HERC2: variants seen among roughly 807,000 people sequenced by gnomAD.
The protein encoded by HERC2 is E3 ubiquitin-protein ligase HERC2.
HERC2 carries 102 observed loss-of-function variants against 537.7 expected under a neutral mutation model. The observed-to-expected ratio is 0.19, with a 90% CI of 0.16 to 0.22. HERC2 has a LOEUF of 0.22. Among genes scored for constraint, HERC2 ranks in the 10% least tolerant of loss-of-function variants. The pLI is 1.00. For missense variants in HERC2, 4,236 were observed against 6,198.2 expected (o/e 0.68, Z 10.63); for synonymous variants, 2,224 against 2,466.2 (o/e 0.90, Z 2.91).
At chr15:28,139,878 G>A (rs1023044557) in intron 78 of HERC2, among the ~76,000 whole-genome samples, 1 of 150,474 alleles carries the variant, frequency 6.6e-6, no homozygotes, top group African/African-American at 2.5e-5. Flanking sequence ...GGCCAATATG[G>A]CGAAACCCCA....
chr15:28,207,486 A>G (rs994129943), intron 44 of HERC2, among the ~76,000 whole-genome samples: 7 of 152,190 alleles, frequency 4.6e-5, no homozygotes, highest in African/African-American at 1.7e-4. Context: ...CCTGACACAG[A>G]CACATCCCAC....
chr15:28,262,875 G>C, intron 15 of HERC2, 43 bp downstream of exon 15: 1 of 1,573,400 alleles, frequency 6.4e-7, no homozygotes. Flanking sequence ...CATTACTAAA[G>C]AAACTGTCCT....
chr15:28,303,541 G>A (rs2141225316), intron 2 of HERC2, among the ~76,000 whole-genome samples: 1 of 152,266 alleles, frequency 6.6e-6, no homozygotes, highest in African/African-American at 2.4e-5. Context: ...TCTCTTTTGT[G>A]ATTCCATACA....
intron 4 of HERC2, among the ~76,000 whole-genome samples, chr15:28,289,079 C>G (rs887406724): frequency 2.6e-5 from 4 of 151,526 alleles, no homozygotes; most frequent in Non-Finnish European, 5.9e-5. Context: ...TGGACAGTGA[C>G]AAGTGAAAGA....
intron 2 of HERC2, among the ~76,000 whole-genome samples, chr15:28,305,291 A>G (rs2076754459): frequency 6.6e-6 from 1 of 152,134 alleles, no homozygotes; most frequent in Non-Finnish European, 1.5e-5. Context: ...GAATCGCCAC[A>G]CTGACTTCCA....
At chr15:28,278,389 A>G (rs2141036761) in intron 5 of HERC2, among the ~76,000 whole-genome samples, 1 of 152,128 alleles carries the variant, frequency 6.6e-6, no homozygotes, top group Admixed American at 6.5e-5. Context: ...CAAACAAACA[A>G]AAAAAAATCA....
intron 35 of HERC2, among the ~76,000 whole-genome samples, chr15:28,225,696 C>CAAAAAAAAAAAAA (rs35629645): frequency 1.9e-4 from 11 of 58,684 alleles, no homozygotes; most frequent in East Asian, 3.4e-4. Flanking sequence ...GACTCCGTCT[C>CAAAAAAAAAAAAA]AAAAAAAAAA....
At chr15:28,161,892 A>G (rs1893635022) in intron 69 of HERC2, among the ~76,000 whole-genome samples, 1 of 152,248 alleles carries the variant, frequency 6.6e-6, no homozygotes, top group Non-Finnish European at 1.5e-5. Context: ...ATCACCAGGG[A>G]AAAGATGAGT....
intron 9 of HERC2, among the ~76,000 whole-genome samples, chr15:28,271,715 C>T (rs146414784): frequency 1.3e-5 from 2 of 152,056 alleles, no homozygotes; most frequent in Non-Finnish European, 1.5e-5. Flanking sequence ...AACCAAAGCA[C>T]GATATTGGAA....
At chr15:28,299,826 C>A (rs2076570707) in intron 2 of HERC2, among the ~76,000 whole-genome samples, 1 of 151,986 alleles carries the variant, frequency 6.6e-6, no homozygotes, top group Non-Finnish European at 1.5e-5. Context: ...CCGAGCGGGG[C>A]ACATCACGGG....
rs573659032 is a variant in HERC2 at position 28,220,723 on chromosome 15, G to A, written c.5653-79C>T. The A allele has an allele frequency of 1.4e-4, 169 of 1,196,526 alleles. 1 individual carries two copies. In the African/African-American group the frequency reaches 2.3e-3, roughly 16 times the overall value. The allele number at this position is 1,196,526 out of a possible 1,614,324, so 74.1% of individuals were successfully genotyped here. A position where few individuals can be genotyped will look rare whatever the true frequency, so the allele number is the denominator to read the frequency against. On this transcript the variant is annotated intron_variant, in intron 36 of 92. Coordinates refer to ENST00000261609, the MANE Select transcript of HERC2 (RefSeq NM_004667.6). ...CTTCCATGGCTCCCAGCAGACCTCA[G>A]TTAGGAGGGTGCATGCCCTGCCCTG...
chr15:28,194,306 C>T (rs1295919107), intron 52 of HERC2, among the ~76,000 whole-genome samples: 1 of 144,128 alleles, frequency 6.9e-6, no homozygotes, highest in African/African-American at 2.5e-5. Context: ...ACCTCGTGAT[C>T]CACCCGCCTC....
intron 48 of HERC2, among the ~76,000 whole-genome samples, chr15:28,201,080 CCT>C (rs1318980284): frequency 6.7e-6 from 1 of 149,372 alleles, no homozygotes; most frequent in African/African-American, 2.5e-5. Flanking sequence ...TCCGGCTGCC[CCT>C]GAGCCCATCT....
At chr15:28,273,502 T>C (rs2075794464) in intron 7 of HERC2, among the ~76,000 whole-genome samples, 2 of 152,350 alleles carry the variant, frequency 1.3e-5, no homozygotes, top group Middle Eastern at 6.8e-3. Context: ...TAAAATTCTA[T>C]CCTAAGACTG....
chr15:28,132,074 C>A (rs756610086), intron 81 of HERC2, 26 bp downstream of exon 81: 8 of 1,559,342 alleles, frequency 5.1e-6, no homozygotes, highest in Non-Finnish European at 7.0e-6. Flanking sequence ...TGGGAGAGCA[C>A]TGGGCAGGGA....
At chr15:28,116,620 G>A in intron 88 of HERC2, 45 bp downstream of exon 88, 1 of 1,527,228 alleles carries the variant, frequency 6.5e-7, no homozygotes, top group East Asian at 2.3e-5. Context: ...CTCAAGAGCA[G>A]GCACAGGCCA....
At chr15:28,254,780 T>C (rs907143504) in intron 19 of HERC2, among the ~76,000 whole-genome samples, 1 of 152,190 alleles carries the variant, frequency 6.6e-6, no homozygotes, top group African/African-American at 2.4e-5. Flanking sequence ...GTCCCTAAAA[T>C]CCTTAACCCT....
At chr15:28,216,097 T>C (rs1384713428) in intron 38 of HERC2, among the ~76,000 whole-genome samples, 3 of 152,118 alleles carry the variant, frequency 2.0e-5, no homozygotes, top group African/African-American at 7.2e-5. Flanking sequence ...TGCCTTGCCC[T>C]GCCAAATAGC....
chr15:28,308,224 T>C (rs2076845847), intron 2 of HERC2, among the ~76,000 whole-genome samples: 1 of 152,250 alleles, frequency 6.6e-6, no homozygotes, highest in South Asian at 2.1e-4. Flanking sequence ...TTCTTTAATG[T>C]CTTTCATCAG....
Sources: gnomAD v4.1 joint callset for allele counts (sites outside exome capture counted in the v4.1 genomes callset) on GRCh38, gnomAD v4.1.1 for gene constraint, MANE v1.5 for transcripts, NCBI Gene and HGNC (gene_info 2026-07-23, HGNC 2026-07-21) for gene names.